Variants in DYNC2H1 observed in about 807,000 individuals in gnomAD.
DYNC2H1 encodes cytoplasmic dynein 2 heavy chain 1.
DYNC2H1 carries 410 observed loss-of-function variants against 570.0 expected under a neutral mutation model. The ratio of observed to expected loss-of-function variants is 0.72; its 90% confidence interval spans 0.66 to 0.78. DYNC2H1 has a LOEUF of 0.78. DYNC2H1 is among the 30% of genes least tolerant of loss of function. DYNC2H1 has a pLI of 0.00. For synonymous variants in DYNC2H1, 1,688 were observed against 1,677.6 expected, an observed-to-expected ratio of 1.01 and a Z score of -0.15; for missense variants, 4,865 against 5,046.4, an observed-to-expected ratio of 0.96 and a Z score of 1.09.
rs1945003668 is a variant in DYNC2H1, at chr11:103,461,325, C to T, written c.12648+4969C>T. Among the ~76,000 whole-genome samples the T allele has an allele frequency of 6.6e-6, 1 of 152,044 alleles. No individual in the cohort carries two copies. The highest frequency in any genetic ancestry group is 6.6e-5 in the Admixed American group (1 of 15,250). ...TTAGTTTTTTTTAAAATCTCTATCA[C>T]CATAGACTGAATTAAACAGTGAGGC... is the stretch of plus-strand genomic sequence containing the variant. On this transcript the variant is annotated intron_variant, in intron 87 of 88. Coordinates refer to ENST00000375735, the MANE Select transcript of DYNC2H1 (RefSeq NM_001377.3). The surrounding 1 kb of genome is among the most constrained non-coding windows in gnomAD (Gnocchi z 4.8).
At chr11:103,378,686 T>TTC (rs3078572) in intron 83 of DYNC2H1, among the ~76,000 whole-genome samples, 102,186 of 151,788 alleles carry the variant, frequency 0.67, 34,485 homozygotes, top group Admixed American at 0.73. Context: ...TTAAAAGTGT[T>TTC]TCTTTGTGCA....
At chr11:103,291,563 G>C (rs185181119) in intron 75 of DYNC2H1, among the ~76,000 whole-genome samples, 20 of 152,276 alleles carry the variant, frequency 1.3e-4, no homozygotes, top group Admixed American at 1.3e-3. Flanking sequence ...GTAAATGTCT[G>C]TTATGTCTAT....
intron 70 of DYNC2H1, among the ~76,000 whole-genome samples, chr11:103,263,022 CAAAAAAAAA>C (rs35912109): frequency 5.0e-5 from 2 of 39,968 alleles, no homozygotes; most frequent in African/African-American, 1.1e-4. Flanking sequence ...AAATGGAAAG[CAAAAAAAAA>C]AAAAAAAAAA....
rs750641672 is a variant in DYNC2H1 at position 103,152,117 on chromosome 11, T to TTG, written c.2947-18_2947-17insGT. On this transcript the variant is annotated intron_variant, in intron 20 of 88. Transcript: ENST00000375735. ...AAATAGGTTGTTATTCAATTTGTTT[T>TTG]TTTTTTTTTAACCTTTAGATTTTGC... 151 of 1,572,048 alleles carry TTG rather than the reference T, an allele frequency of 9.6e-5. 1 individual carries two copies. The highest frequency in any genetic ancestry group is 1.9e-4 in the Middle Eastern group (1 of 5,344).
At chr11:103,139,543 C>T (rs940650825) in intron 17 of DYNC2H1, among the ~76,000 whole-genome samples, 1 of 151,622 alleles carries the variant, frequency 6.6e-6, no homozygotes, top group Non-Finnish European at 1.5e-5. Context: ...GTTTCTTAAT[C>T]CTGAGTTCTA....
At position 103,312,012 on chromosome 11, in the gene DYNC2H1, A is replaced by G; in HGVS notation, c.11628A>G (p.Glu3876=). ...SLAWFHAACQ[E]RRNYIPQGWT... is the part of the protein sequence containing the mutation. ...CATGGTTTCATGCTGCATGTCAAGA[A>G]AGAAGAAACTATATTCCTCAGGTAA... Residue 3876 remains glutamate, a synonymous_variant, in exon 79 of 89, where the codon GAA becomes GAG. Transcript: ENST00000375735. 1 of 1,611,998 alleles carries G rather than the reference A, an allele frequency of 6.2e-7. No individual in the cohort carries two copies. Among genetic ancestry groups the G allele is most frequent in the South Asian group, 1.1e-5 (1 of 90,514 alleles).
chr11:103,363,308 A>T lies in DYNC2H1; in HGVS notation c.12156+4949A>T, dbSNP rs780741502. ...TTTTCTTAATTAGAACTATTAGTTT[A>T]TGAGAAAATCAGTTTATTTTAGATA... is the stretch of plus-strand genomic sequence containing the variant. On this transcript the variant is annotated intron_variant, in intron 83 of 88. Coordinates refer to ENST00000375735, the MANE Select transcript of DYNC2H1 (RefSeq NM_001377.3). This position sits in a 1 kb window ranked among gnomAD's most constrained non-coding sequence, Gnocchi z 5.6. 6.6e-6 allele frequency among the ~76,000 whole-genome samples: 1 copy of T among 152,138 alleles called. No homozygotes were observed. Among genetic ancestry groups the T allele is most frequent in the Non-Finnish European group, 1.5e-5 (1 of 68,010 alleles).
At position 103,185,935 on chromosome 11, in the gene DYNC2H1, A is replaced by C. The variant is rs1862047123; in HGVS notation, c.6634-307A>C. Among the ~76,000 whole-genome samples the C allele has an allele frequency of 6.6e-6, 1 of 152,104 alleles. No individual in the cohort carries two copies. The highest frequency in any genetic ancestry group is 2.1e-4 in the South Asian group (1 of 4,826). ...AAATGAAGGGCTTTAGGATTTCTGC[A>C]TTCTGTACTTTGTGATTTAATGTTA... On this transcript the variant is annotated intron_variant, in intron 41 of 88. Coordinates refer to ENST00000375735, the MANE Select transcript of DYNC2H1 (RefSeq NM_001377.3). The surrounding 1 kb of genome is among the most constrained non-coding windows in gnomAD (Gnocchi z 4.5).
chr11:103,139,332 C>G (rs1331006592), intron 17 of DYNC2H1, among the ~76,000 whole-genome samples: 1 of 150,656 alleles, frequency 6.6e-6, no homozygotes, highest in Admixed American at 6.6e-5. Flanking sequence ...ATCTTTCCTG[C>G]TTTCTCTTGT....
In DYNC2H1 at chr11:103,170,260, A is replaced by G; in HGVS notation, c.5121A>G (p.Gly1707=). Reference sequence around the variant, plus strand: ...TAAAGGCTTTAGGTGGACTTCTTGGAAGACAAGTTTTAGTCTTTAATTGTG... The same window carrying G: ...TAAAGGCTTTAGGTGGACTTCTTGGGAGACAAGTTTTAGTCTTTAATTGTG... ...ESVKALGGLL[G]RQVLVFNCDE... The change falls in exon 33 of 89, where the codon GGA becomes GGG. Residue 1707 remains glycine (G), a synonymous_variant. Transcript: ENST00000375735. This position sits in a 1 kb window ranked among gnomAD's most constrained non-coding sequence, Gnocchi z 4.8. The G allele has an allele frequency of 1.9e-6, 3 of 1,604,564 alleles. No individual in the cohort carries two copies. Among genetic ancestry groups the G allele is most frequent in the Non-Finnish European group, 2.6e-6 (3 of 1,176,084 alleles).
intron 65 of DYNC2H1, among the ~76,000 whole-genome samples, chr11:103,251,387 C>CT (rs1415245670): frequency 6.8e-6 from 1 of 147,200 alleles, no homozygotes; most frequent in Admixed American, 6.6e-5. Flanking sequence ...TAACTTTCAA[C>CT]TTTTTTGTTG....
chr11:103,244,366 G>T lies in DYNC2H1; in HGVS notation c.9918+575G>T, dbSNP rs2135227792. ...TGGTTAGGTTATTATTTTGTTAAAG[G>T]AAGACCTAATATATGATTAATTTTC... On this transcript the variant is annotated intron_variant, in intron 64 of 88. Transcript: ENST00000375735. The surrounding 1 kb of genome is among the most constrained non-coding windows in gnomAD (Gnocchi z 4.3). 6.6e-6 allele frequency among the ~76,000 whole-genome samples: 1 copy of T among 151,882 alleles called. No individual in the cohort carries two copies. The highest frequency in any genetic ancestry group is 2.4e-5 in the African/African-American group (1 of 41,514).
At chr11:103,384,313 T>A (rs1458044495) in intron 83 of DYNC2H1, among the ~76,000 whole-genome samples, 1 of 152,132 alleles carries the variant, frequency 6.6e-6, no homozygotes, top group Non-Finnish European at 1.5e-5. Context: ...TTTCTGATAT[T>A]AATATGTCAG....
Position 103,286,498 on chromosome 11 carries a change from G to A in DYNC2H1, c.11022+112G>A, listed in dbSNP as rs537823972. Reference sequence around the variant, plus strand: ...AGAGTGTTACTTTACCTTTAATGGCGTATTTGGGGAAGGGCTTGATCCTTT... The same window carrying A: ...AGAGTGTTACTTTACCTTTAATGGCATATTTGGGGAAGGGCTTGATCCTTT... On this transcript the variant is annotated intron_variant, in intron 74 of 88. Transcript: ENST00000375735. 1,300 of 1,263,936 alleles carry A rather than the reference G, an allele frequency of 1.0e-3. 3 individuals carry two copies. The highest frequency in any genetic ancestry group is 1.3e-3 in the Admixed American group (54 of 41,134). 78.3% of individuals were successfully genotyped at this position (1,263,936 alleles called of 1,614,324 possible). A position where few individuals can be genotyped will look rare whatever the true frequency, so the allele number is the denominator to read the frequency against.
intron 81 of DYNC2H1, among the ~76,000 whole-genome samples, chr11:103,322,255 A>C (rs528123407): frequency 6.6e-6 from 1 of 152,226 alleles, no homozygotes; most frequent in East Asian, 1.9e-4. Context: ...AATATCGCAT[A>C]ATTACTATAC....
intron 83 of DYNC2H1, among the ~76,000 whole-genome samples, chr11:103,378,595 G>C (rs1941498667): frequency 6.6e-6 from 1 of 152,146 alleles, no homozygotes; most frequent in East Asian, 1.9e-4. Flanking sequence ...CTTAAATTTG[G>C]ATCTCATTGA....
chr11:103,400,929 A>G (rs976166791), intron 84 of DYNC2H1, among the ~76,000 whole-genome samples: 1 of 152,168 alleles, frequency 6.6e-6, no homozygotes, highest in Non-Finnish European at 1.5e-5. Flanking sequence ...CTGTTAATCA[A>G]CCATGATTAT....
chr11:103,195,472 G>C (rs1415976373), intron 47 of DYNC2H1, among the ~76,000 whole-genome samples: 1 of 152,102 alleles, frequency 6.6e-6, no homozygotes, highest in African/African-American at 2.4e-5. Context: ...TGGTAACATG[G>C]GTCTATTTCT....
chr11:103,320,947 A>C, intron 80 of DYNC2H1, 82 bp from the exon 81 acceptor site: 1 of 1,021,344 alleles, frequency 9.8e-7, no homozygotes, highest in Non-Finnish European at 1.4e-6. Flanking sequence ...ACATTTGGCT[A>C]CATGTTATAA....
Sources: allele counts gnomAD v4.1 joint callset (sites outside exome capture counted in the v4.1 genomes callset), GRCh38; gene constraint gnomAD v4.1.1; non-coding constraint Gnocchi (gnomAD v3.1); transcripts MANE v1.5; gene names NCBI Gene and HGNC (gene_info 2026-07-23, HGNC 2026-07-21).